Variants in TENT4B observed in about 807,000 individuals in gnomAD.
TENT4B encodes the protein PAP associated domain containing 5.
In TENT4B, 10 loss-of-function variants were observed where a neutral mutation model predicts 75.0. That is an observed-to-expected ratio of 0.13 (90% confidence interval 0.08 to 0.23). The LOEUF is 0.23. TENT4B is among the 10% of genes least tolerant of loss of function. TENT4B has a pLI of 1.00. For synonymous variants in TENT4B, 350 were observed against 357.7 expected, an observed-to-expected ratio of 0.98 and a Z score of 0.24; for missense variants, 579 against 893.8, an observed-to-expected ratio of 0.65 and a Z score of 4.49.
chr16:50,167,346 T>A (rs1322391428), intron 1 of TENT4B, among the ~76,000 whole-genome samples: 1 of 151,894 alleles, frequency 6.6e-6, no homozygotes, highest in African/African-American at 2.4e-5. Flanking sequence ...TAGACCCTTA[T>A]CAGATGGATG....
intron 1 of TENT4B, among the ~76,000 whole-genome samples, chr16:50,174,429 G>A (rs1188735396): frequency 6.6e-6 from 1 of 152,010 alleles, no homozygotes; most frequent in Non-Finnish European, 1.5e-5. Flanking sequence ...CTTTGTATAT[G>A]TGTATTTTTT....
At position 50,190,424 on chromosome 16, in the gene TENT4B, G is replaced by A. The variant is rs929533938; in HGVS notation, c.639-20899G>A. Among the ~76,000 whole-genome samples the A allele has an allele frequency of 7.9e-5, 12 of 151,924 alleles. 1 individual carries two copies. Among genetic ancestry groups the A allele is most frequent in the African/African-American group, 2.7e-4 (11 of 41,230 alleles). On this transcript the variant is annotated intron_variant, in intron 1 of 11. Transcript: ENST00000561678. Reference sequence around the variant, plus strand: ...CACTGTTACTGTCTAGTTTCAGAACGTTTTTGCCCCAGATGGATACTCTGT... The same window carrying A: ...CACTGTTACTGTCTAGTTTCAGAACATTTTTGCCCCAGATGGATACTCTGT...
intron 1 of TENT4B, among the ~76,000 whole-genome samples, chr16:50,174,520 T>G (rs1312882037): frequency 1.3e-5 from 2 of 152,220 alleles, no homozygotes; most frequent in Non-Finnish European, 2.9e-5. Flanking sequence ...ATGCATACAA[T>G]GTGGATCAAA....
At chr16:50,174,863 C>T (rs563539785) in intron 1 of TENT4B, among the ~76,000 whole-genome samples, 71 of 151,740 alleles carry the variant, frequency 4.7e-4, no homozygotes, top group South Asian at 1.0e-3. Context: ...CTGCCTCAGC[C>T]TCCCGAGTAG....
In TENT4B at chr16:50,192,449, A is replaced by G. The variant is rs545274180; in HGVS notation, c.639-18874A>G. Among the ~76,000 whole-genome samples, 15 of 152,286 alleles carry G rather than the reference A, an allele frequency of 9.8e-5. No homozygotes were observed. The South Asian group carries it at 2.9e-3, about 29-fold the overall frequency. The stretch of plus-strand genomic sequence containing the variant: ...TTTTTAAAATTATTATGAGTACACA[A>G]TAGGTGCATCTATAGATTTCATTAC... On this transcript the variant is annotated intron_variant, in intron 1 of 11. Transcript: ENST00000561678.
chr16:50,228,689 A>T (rs149869970), intron 11 of TENT4B, among the ~76,000 whole-genome samples: 4 of 152,346 alleles, frequency 2.6e-5, no homozygotes, highest in Admixed American at 6.5e-5. Flanking sequence ...CCAGACACAG[A>T]CTTATCACAA....
chr16:50,205,463 A>G (rs1315736760), intron 1 of TENT4B, among the ~76,000 whole-genome samples: 1 of 151,660 alleles, frequency 6.6e-6, no homozygotes, highest in Non-Finnish European at 1.5e-5. Flanking sequence ...CCCTGTCCCT[A>G]AGGTAATATC....
intron 1 of TENT4B, among the ~76,000 whole-genome samples, chr16:50,175,729 C>T (rs1469486412): frequency 6.6e-6 from 1 of 152,072 alleles, no homozygotes; most frequent in East Asian, 1.9e-4. Flanking sequence ...CTCAGCCTCC[C>T]AAAGTGCTGA....
At chr16:50,195,787 T>C (rs1397007643) in intron 1 of TENT4B, among the ~76,000 whole-genome samples, 1 of 152,226 alleles carries the variant, frequency 6.6e-6, no homozygotes, top group Admixed American at 6.5e-5. Flanking sequence ...AATATACATA[T>C]AAATTTTACA....
At chr16:50,171,448 A>G (rs918861259) in intron 1 of TENT4B, among the ~76,000 whole-genome samples, 9 of 152,084 alleles carry the variant, frequency 5.9e-5, no homozygotes, top group African/African-American at 2.2e-4. Flanking sequence ...GCTGGGAAAC[A>G]TGGTGGTTCT....
rs2032184142 is a variant in TENT4B, at chr16:50,229,132, G to T, written c.1966-20G>T. On this transcript the variant is annotated intron_variant, in intron 11 of 11. Coordinates refer to ENST00000561678, the MANE Select transcript of TENT4B (RefSeq NM_001365324.3). Reference sequence around the variant, plus strand: ...TTTCTGCAATACTGATGTCTTTGTGGTCGTTTTCTGTTTCTGCAGCATGGA... The same window carrying T: ...TTTCTGCAATACTGATGTCTTTGTGTTCGTTTTCTGTTTCTGCAGCATGGA... 3 of 1,610,546 alleles carry T rather than the reference G, an allele frequency of 1.9e-6. No individual in the cohort carries two copies. The East Asian group carries it at 6.7e-5, about 36-fold the overall frequency.
rs2032387506 is a variant in TENT4B, at chr16:50,234,419, G to A, written c.*5091G>A. ...TTAGGCCATGCCTTTCAAAGAGAGT[G>A]AAATGATGGGTTATCAGCCACATTC... On this transcript the variant is annotated 3_prime_UTR_variant, in exon 12 of 12. Coordinates refer to ENST00000561678, the MANE Select transcript of TENT4B (RefSeq NM_001365324.3). The A allele has an allele frequency of 2.0e-6, 2 of 985,458 alleles. No individual in the cohort carries two copies. The highest frequency in any genetic ancestry group is 2.4e-6 in the Non-Finnish European group (2 of 829,944). 61.0% of individuals were successfully genotyped at this position (985,458 alleles called of 1,614,324 possible).
In TENT4B at chr16:50,234,748, C is replaced by T; in HGVS notation, c.*5420C>T. On this transcript the variant is annotated 3_prime_UTR_variant, in exon 12 of 12. Transcript: ENST00000561678. ...ACTAAAAAGCAGCACTGCCTTAACACACATTGTTATGGGTGAAAAGTGAGG... is the reference window on the plus strand; with the variant it reads ...ACTAAAAAGCAGCACTGCCTTAACATACATTGTTATGGGTGAAAAGTGAGG... The T allele has an allele frequency of 1.0e-6, 1 of 985,414 alleles. No homozygotes were observed. Among genetic ancestry groups the T allele is most frequent in the East Asian group, 1.1e-4 (1 of 8,812 alleles). The allele number at this position is 985,414 out of a possible 1,614,324, so 61.0% of individuals were successfully genotyped here.
intron 1 of TENT4B, among the ~76,000 whole-genome samples, chr16:50,155,038 C>T (rs2037864384): frequency 6.6e-6 from 1 of 152,070 alleles, no homozygotes; most frequent in East Asian, 1.9e-4. Flanking sequence ...CAGAGGCAGC[C>T]AATGCTTTTC....
intron 1 of TENT4B, among the ~76,000 whole-genome samples, chr16:50,188,921 G>A (rs2038587198): frequency 6.6e-6 from 1 of 152,178 alleles, no homozygotes; most frequent in Non-Finnish European, 1.5e-5. Context: ...TTGGCAGGCA[G>A]AGCTTGTTCT....
rs1239616758 is a variant in TENT4B at position 50,233,938 on chromosome 16, T to C, written c.*4610T>C. On this transcript the variant is annotated 3_prime_UTR_variant, in exon 12 of 12. Coordinates refer to ENST00000561678, the MANE Select transcript of TENT4B (RefSeq NM_001365324.3). The stretch of plus-strand genomic sequence containing the variant: ...GTTCTCTTGTGTATTTCAGTGAACA[T>C]TTTTATTAGTAGTTGCATATCATCT... 2.0e-6 allele frequency: 2 copies of C among 985,344 alleles called. No homozygotes were observed. The highest frequency in any genetic ancestry group is 6.1e-5 in the Admixed American group (1 of 16,268). The allele number at this position is 985,344 out of a possible 1,614,324, so 61.0% of individuals were successfully genotyped here. A position where few individuals can be genotyped will look rare whatever the true frequency, so the allele number is the denominator to read the frequency against.
chr16:50,167,958 G>GT (rs1431247286), intron 1 of TENT4B, among the ~76,000 whole-genome samples: 2 of 151,842 alleles, frequency 1.3e-5, no homozygotes, highest in African/African-American at 4.8e-5. Flanking sequence ...CGCCCAGCCT[G>GT]TTTTGAGTTC....
At chr16:50,216,049 C>G in intron 3 of TENT4B, 26 bp from the exon 4 acceptor site, 2 of 1,613,010 alleles carry the variant, frequency 1.2e-6, no homozygotes, top group Non-Finnish European at 8.5e-7. Context: ...TCTTCCGACC[C>G]TCTTGTATAT....
chr16:50,159,933 A>G (rs1017724683), intron 1 of TENT4B, among the ~76,000 whole-genome samples: 8 of 151,682 alleles, frequency 5.3e-5, no homozygotes, highest in Admixed American at 2.0e-4. Flanking sequence ...GAGTCTTGCT[A>G]TGCCACCCAG....
Sources: allele counts gnomAD v4.1 joint callset (sites outside exome capture counted in the v4.1 genomes callset), GRCh38; gene constraint gnomAD v4.1.1; transcripts MANE v1.5; gene names NCBI Gene and HGNC (gene_info 2026-07-23, HGNC 2026-07-21).